The following FANCI variants were observed in gnomAD, a reference collection of about 807,000 sequenced individuals.
FANCI encodes FA complementation group I, also known as Fanconi anemia group I protein.
In FANCI, 156 loss-of-function variants were observed where a neutral mutation model predicts 176.1. The ratio of observed to expected loss-of-function variants is 0.89; its 90% CI spans 0.78 to 1.01. FANCI has a LOEUF of 1.01. Among genes scored for constraint, FANCI ranks in the 50% least tolerant of loss-of-function variants. The probability of loss-of-function intolerance (pLI) is 0.00; values close to 1 mark genes in which losing one functional copy is unlikely to be tolerated. For missense variants in FANCI, 1,678 were observed against 1,534.1 expected (o/e 1.09, Z -1.57); for synonymous variants, 613 against 541.7 (o/e 1.13, Z -1.83).
chr15:89,289,272 T>C (rs1000573371), intron 18 of FANCI, among the ~76,000 whole-genome samples: 2 of 152,170 alleles, frequency 1.3e-5, no homozygotes, highest in Non-Finnish European at 2.9e-5. Flanking sequence ...TTTCCTTTGT[T>C]CCGTTCCTTT....
chr15:89,285,986 G>GTTT (rs34746984), intron 18 of FANCI, among the ~76,000 whole-genome samples: 2 of 149,666 alleles, frequency 1.3e-5, no homozygotes. Context: ...TCCAAACTTA[G>GTTT]TTTTTTTTTT....
Position 89,295,035 on chromosome 15 carries a change from G to A in FANCI, c.2577G>A (p.Val859=), listed in dbSNP as rs562877308. 6.4e-7 allele frequency: 1 copy of A among 1,552,228 alleles called. No individual in the cohort carries two copies. The highest frequency in any genetic ancestry group is 2.4e-5 in the East Asian group (1 of 40,922). The change falls in exon 24 of 38, where the codon GTG becomes GTA. Residue 859 remains valine, a synonymous_variant. Coordinates refer to ENST00000310775, the MANE Select transcript of FANCI (RefSeq NM_001113378.2). ...KVQQLKETGH[V]SGPDGQNPEK... is the part of the protein sequence containing the mutation. ...AGCAGCTAAAGGAAACAGGGCATGT[G>A]AGTGGCCCTGATGGCCAAAACCCAG...
At position 89,299,781 on chromosome 15, in the gene FANCI, C is replaced by T. The variant is rs371797807; in HGVS notation, c.2637-19C>T. ...GGTGAACCTGTCTTTAAAAACAATA[C>T]CACTTTCTCCTGCTTCAGAGTCTTG... On this transcript the variant is annotated intron_variant, in intron 24 of 37. Transcript: ENST00000310775. The T allele has an allele frequency of 3.7e-6, 6 of 1,611,144 alleles. No individual in the cohort carries two copies. In the African/African-American group the frequency reaches 8.0e-5, roughly 22 times the overall value.
chr15:89,268,598 CA>C (rs2053071102), intron 10 of FANCI, 73 bp downstream of exon 10: 1 of 1,558,518 alleles, frequency 6.4e-7, no homozygotes, highest in South Asian at 1.1e-5. Flanking sequence ...ACTGTTATGC[CA>C]GTTAATGACA....
intron 2 of FANCI, among the ~76,000 whole-genome samples, chr15:89,249,115 G>A (rs143943982): frequency 2.6e-4 from 39 of 152,162 alleles, no homozygotes; most frequent in Admixed American, 1.1e-3. Flanking sequence ...TCTGCTGACC[G>A]TATTAATCAG....
At chr15:89,301,859 C>T (rs1230266488) in intron 27 of FANCI, among the ~76,000 whole-genome samples, 1 of 152,184 alleles carries the variant, frequency 6.6e-6, no homozygotes, top group African/African-American at 2.4e-5. Flanking sequence ...GCACAGTTAC[C>T]TGGTACTGAC....
At chr15:89,266,989 A>G (rs1011552707) in intron 9 of FANCI, among the ~76,000 whole-genome samples, 1 of 151,976 alleles carries the variant, frequency 6.6e-6, no homozygotes, top group African/African-American at 2.4e-5. Flanking sequence ...ACTAAAGCCA[A>G]GAGACTGGAT....
At position 89,261,736 on chromosome 15, in the gene FANCI, G is replaced by C. The variant is rs774936606; in HGVS notation, c.440G>C (p.Gly147Ala). The change falls in exon 5 of 38, where the codon GGA becomes GCA. Residue 147 changes from glycine to alanine, a missense_variant. By Grantham distance (60) the Gly-to-Ala change is moderately conservative. This residue lies in a region of FANCI where 469 missense variants were observed against 436.9 expected (regional missense o/e 1.07). Transcript: ENST00000310775. ...ACGAAAAAGGAAAATCTGGCTTATGGAAAAGGTAATTTTCTTCCGACTTTA... is the reference window on the plus strand; with the variant it reads ...ACGAAAAAGGAAAATCTGGCTTATGCAAAAGGTAATTTTCTTCCGACTTTA... ...LATKKENLAY[G>A]KGVLSGEECK... The C allele has an allele frequency of 6.2e-7, 1 of 1,614,112 alleles. No individual in the cohort carries two copies. The highest frequency in any genetic ancestry group is 1.1e-5 in the South Asian group (1 of 91,070).
intron 15 of FANCI, among the ~76,000 whole-genome samples, 163 bp downstream of exon 15, chr15:89,281,463 GT>G (rs1325343230): frequency 1.3e-5 from 2 of 152,152 alleles, no homozygotes; most frequent in Non-Finnish European, 2.9e-5. Context: ...GAGCAAGACT[GT>G]TTTCCAGGTT....
At chr15:89,278,620 C>T in intron 13 of FANCI, 67 bp from the exon 14 acceptor site, 1 of 1,128,520 alleles carries the variant, frequency 8.9e-7, no homozygotes, top group Admixed American at 1.7e-5. Flanking sequence ...TGCTGCCTGA[C>T]ATGCATTGAT....
intron 2 of FANCI, among the ~76,000 whole-genome samples, chr15:89,252,126 C>G (rs557184258): frequency 6.6e-6 from 1 of 151,794 alleles, no homozygotes; most frequent in Non-Finnish European, 1.5e-5. Flanking sequence ...ATGGTGAAAC[C>G]CCTTCTCTAC....
rs118130564 is a variant in FANCI, at chr15:89,314,379, C to G, written c.3721-233C>G. Among the ~76,000 whole-genome samples, 440 of 152,308 alleles carry G rather than the reference C, an allele frequency of 2.9e-3. 1 individual carries two copies. The highest frequency in any genetic ancestry group is 5.4e-3 in the Non-Finnish European group (368 of 68,024). ...CCCTCCTCAGCCATTTTCTAGATAA[C>G]AACAAATACTGGAATTATAAATGAA... On this transcript the variant is annotated intron_variant, in intron 35 of 37. Coordinates refer to ENST00000310775, the MANE Select transcript of FANCI (RefSeq NM_001113378.2).
intron 9 of FANCI, 142 bp downstream of exon 9, chr15:89,264,749 G>T (rs548883287): frequency 3.1e-6 from 2 of 649,888 alleles, no homozygotes; most frequent in African/African-American, 3.6e-5. Context: ...TAGCTACTCA[G>T]TAATAAAGAG....
chr15:89,312,465 CAG>C (rs2055002245), intron 34 of FANCI, among the ~76,000 whole-genome samples: 1 of 152,232 alleles, frequency 6.6e-6, no homozygotes, highest in Non-Finnish European at 1.5e-5. Flanking sequence ...ATCTGTTGCA[CAG>C]ATAGTCCTGT....
chr15:89,255,520 A>AG (rs2052454789), intron 2 of FANCI, among the ~76,000 whole-genome samples: 1 of 152,170 alleles, frequency 6.6e-6, no homozygotes, highest in Non-Finnish European at 1.5e-5. Flanking sequence ...ATCACCAATG[A>AG]GGGACAGATG....
intron 34 of FANCI, among the ~76,000 whole-genome samples, chr15:89,312,295 AGT>A (rs2054994990): frequency 1.3e-5 from 2 of 152,190 alleles, no homozygotes; most frequent in Non-Finnish European, 2.9e-5. Context: ...ACCATTCTTT[AGT>A]ACCTCACCAG....
chr15:89,300,276 C>T, intron 25 of FANCI, 24 bp from the exon 26 acceptor site: 2 of 1,602,816 alleles, frequency 1.2e-6, no homozygotes, highest in Non-Finnish European at 1.7e-6. Flanking sequence ...TCAAAGAAGA[C>T]AAGAGTTTCT....
chr15:89,306,375 A>G (rs896567063), intron 32 of FANCI, among the ~76,000 whole-genome samples, 181 bp downstream of exon 32: 1 of 151,948 alleles, frequency 6.6e-6, no homozygotes, highest in Non-Finnish European at 1.5e-5. Flanking sequence ...TCCACAGGCC[A>G]GGGAAAAACA....
chr15:89,267,511 A>T (rs1374345898), intron 9 of FANCI, among the ~76,000 whole-genome samples: 1 of 152,028 alleles, frequency 6.6e-6, no homozygotes, highest in African/African-American at 2.4e-5. Flanking sequence ...ATCTAATGTT[A>T]TTGTGGGGGT....
Sources: allele counts gnomAD v4.1 joint callset (sites outside exome capture counted in the v4.1 genomes callset), GRCh38; gene constraint gnomAD v4.1.1; regional missense constraint gnomAD v4.1.1; transcripts MANE v1.5; gene names NCBI Gene and HGNC (gene_info 2026-07-23, HGNC 2026-07-21).